Variants in BST1 observed in about 807,000 individuals in gnomAD.
BST1 encodes the protein ADP-ribosyl cyclase/cyclic ADP-ribose hydrolase 2.
Under a neutral mutation model 40.6 loss-of-function variants are expected in BST1, and 49 were observed. The ratio of observed to expected loss-of-function variants is 1.21; its 90% CI spans 0.96 to 1.53. The LOEUF (loss-of-function observed/expected upper bound fraction) is 1.53, where lower values mean the gene tolerates loss of function less well. BST1 is among the 40% of genes most tolerant of loss of function. The pLI is 0.00. For synonymous variants in BST1, 157 were observed against 159.3 expected, an observed-to-expected ratio of 0.99 and a Z score of 0.11; for missense variants, 423 against 395.9, an observed-to-expected ratio of 1.07 and a Z score of -0.58.
chr4:15,708,677 G>A lies in BST1; in HGVS notation c.451+1031G>A, dbSNP rs115309527. ...GTGGATCATTTGAGGTCACGAGTTCGAGATTAGCCTGGCCAACATGAAGAA... is the reference window on the plus strand; with the variant it reads ...GTGGATCATTTGAGGTCACGAGTTCAAGATTAGCCTGGCCAACATGAAGAA... On this transcript the variant is annotated intron_variant, in intron 3 of 8. Coordinates refer to ENST00000265016, the MANE Select transcript of BST1 (RefSeq NM_004334.3). Among the ~76,000 whole-genome samples the A allele has an allele frequency of 8.9e-3, 1,360 of 152,230 alleles. 14 individuals are homozygous for A. Among genetic ancestry groups the A allele is most frequent in the African/African-American group, 0.031 (1,301 of 41,518 alleles).
chr4:15,730,803 T>G (rs1175011376), intron 8 of BST1, among the ~76,000 whole-genome samples: 1 of 152,156 alleles, frequency 6.6e-6, no homozygotes, highest in Admixed American at 6.5e-5. Context: ...ACTCAAACTA[T>G]CAAAGTTGGT....
the BST1 span, among the ~76,000 whole-genome samples, chr4:15,769,461 GGCT>G: frequency 6.6e-6 from 1 of 152,190 alleles, no homozygotes; most frequent in Non-Finnish European, 1.5e-5. Context: ...CAGGGAAATT[GGCT>G]GCTTTTTGCT....
intron 3 of BST1, among the ~76,000 whole-genome samples, chr4:15,709,922 C>T (rs569480278): frequency 5.9e-5 from 9 of 151,934 alleles, no homozygotes; most frequent in Non-Finnish European, 1.3e-4. Context: ...CAAAGCCAAA[C>T]CATTGACAGC....
At chr4:15,772,784 T>C in the BST1 span, among the ~76,000 whole-genome samples, 1 of 151,984 alleles carries the variant, frequency 6.6e-6, no homozygotes, top group Non-Finnish European at 1.5e-5. Flanking sequence ...GTCAGCAGGG[T>C]GAGGGCATGG....
the BST1 span, among the ~76,000 whole-genome samples, chr4:15,772,653 T>A: frequency 1.3e-5 from 2 of 152,222 alleles, no homozygotes; most frequent in Non-Finnish European, 2.9e-5. Context: ...GGCATCTATG[T>A]TATTCAGCGA....
At chr4:15,716,332 T>G (rs1485213265) in intron 6 of BST1, among the ~76,000 whole-genome samples, 2 of 152,228 alleles carry the variant, frequency 1.3e-5, no homozygotes, top group Non-Finnish European at 2.9e-5. Flanking sequence ...AGAGCACTGC[T>G]GGCACAAACT....
At chr4:15,706,828 C>T (rs554168444) in intron 2 of BST1, among the ~76,000 whole-genome samples, 2 of 152,192 alleles carry the variant, frequency 1.3e-5, no homozygotes, top group Admixed American at 1.3e-4. Flanking sequence ...TAAATACTTC[C>T]GGGGCTATTT....
chr4:15,744,299 G>T, the BST1 span, among the ~76,000 whole-genome samples: 1 of 152,134 alleles, frequency 6.6e-6, no homozygotes, highest in Non-Finnish European at 1.5e-5. Context: ...ATTGACTCAG[G>T]GTCCCACGTG....
Position 15,715,798 on chromosome 4 carries a change from G to A in BST1, c.703G>A (p.Val235Met). The A allele has an allele frequency of 6.4e-7, 1 of 1,574,342 alleles. No individual in the cohort carries two copies. ...TATGCATGAAATTGGGGGACCCAAT[G>A]TGTAAGTTATGGTGATATTGATGAT... ...WVMHEIGGPN[V>M]ESCGEGSMKV... The change falls in exon 6 of 9, where the codon GTG (valine) becomes ATG (methionine). Residue 235 changes from valine to methionine, a missense_variant and splice_region_variant. Transcript: ENST00000265016.
chr4:15,704,281 G>GGT (rs929591962), intron 1 of BST1, among the ~76,000 whole-genome samples: 2 of 148,008 alleles, frequency 1.4e-5, no homozygotes, highest in Non-Finnish European at 1.5e-5. Context: ...AGAGGTGAGG[G>GGT]GTGTGTGTGT....
At chr4:15,711,947 C>A in intron 4 of BST1, 58 bp downstream of exon 4, 1 of 1,463,408 alleles carries the variant, frequency 6.8e-7, no homozygotes, top group Non-Finnish European at 9.6e-7. Context: ...AGAGATGGAA[C>A]ATAGTCATTC....
chr4:15,756,695 C>T, the BST1 span, among the ~76,000 whole-genome samples: 1 of 152,132 alleles, frequency 6.6e-6, no homozygotes, highest in Non-Finnish European at 1.5e-5. Context: ...GTATGTTGCG[C>T]TGTGGAGAGC....
intron 7 of BST1, among the ~76,000 whole-genome samples, chr4:15,720,830 A>AAAAC (rs1312118493): frequency 6.6e-6 from 1 of 152,120 alleles, no homozygotes; most frequent in African/African-American, 2.4e-5. Flanking sequence ...CGCCCCCTCA[A>AAAAC]AAACAAACAA....
intron 3 of BST1, 143 bp downstream of exon 3, chr4:15,707,789 T>C: frequency 9.7e-7 from 1 of 1,034,878 alleles, no homozygotes; most frequent in Non-Finnish European, 1.4e-6. Flanking sequence ...TAGTTAATAA[T>C]AACAATACTA....
chr4:15,759,395 T>C, the BST1 span, among the ~76,000 whole-genome samples: 2 of 151,846 alleles, frequency 1.3e-5, no homozygotes, highest in Non-Finnish European at 2.9e-5. Flanking sequence ...CCTCATGGGG[T>C]TATTATGCAG....
chr4:15,705,104 A>C, intron 1 of BST1: 1 of 648,932 alleles, frequency 1.5e-6, no homozygotes, highest in South Asian at 1.6e-5. Flanking sequence ...CCCTCCTAAC[A>C]CTACACATCC....
chr4:15,725,993 T>A (rs1207424836), intron 8 of BST1, among the ~76,000 whole-genome samples: 1 of 123,046 alleles, frequency 8.1e-6, no homozygotes, highest in Non-Finnish European at 1.6e-5. Flanking sequence ...CTCTCTCCTC[T>A]CTCTGTCACC....
chr4:15,703,407 G>T, intron 1 of BST1, 75 bp downstream of exon 1: 2 of 1,457,880 alleles, frequency 1.4e-6, no homozygotes, highest in Non-Finnish European at 9.0e-7. Context: ...GGGAAAACTG[G>T]CGCTAAAGTT....
At chr4:15,733,025 A>G (rs899604798), downstream of BST1, among the ~76,000 whole-genome samples, 5 of 152,190 alleles carry the variant, frequency 3.3e-5, no homozygotes, top group African/African-American at 1.2e-4. Context: ...TATTAAAGGT[A>G]GTGCGGACCC....
Sources: gnomAD v4.1 joint callset for allele counts (sites outside exome capture counted in the v4.1 genomes callset) on GRCh38, gnomAD v4.1.1 for gene constraint, MANE v1.5 for transcripts, NCBI Gene and HGNC (gene_info 2026-07-23, HGNC 2026-07-21) for gene names.